OTOG: variants seen among roughly 807,000 people sequenced by gnomAD.
OTOG encodes otogelin.
OTOG carries 296 observed loss-of-function variants against 313.8 expected under a neutral mutation model. The observed-to-expected ratio is 0.94, with a 90% CI of 0.86 to 1.04. The LOEUF (loss-of-function observed/expected upper bound fraction) is 1.04. OTOG is among the 50% of genes least tolerant of loss of function. The pLI is 0.00. For missense variants in OTOG, 3,948 were observed against 3,840.1 expected (o/e 1.03, Z -0.74); for synonymous variants, 1,533 against 1,554.9 (o/e 0.99, Z 0.33).
rs1565117538 is a variant in OTOG, at chr11:17,611,305, CG to C, written c.6007del (p.Val2003TrpfsTer16). 6 of 1,550,470 alleles carry C rather than the reference CG, an allele frequency of 3.9e-6. No individual in the cohort carries two copies. Among genetic ancestry groups the C allele is most frequent in the Non-Finnish European group, 5.2e-6 (6 of 1,147,006 alleles). On this transcript the variant is annotated frameshift_variant, in exon 36 of 56. Transcript: ENST00000399397. LOFTEE classifies it high-confidence loss of function. Reference sequence around the variant, plus strand: ...GCAGGGCCTCACCTGGCAGCAGAGCCGGTGGACGAGGCCACCACAGAACCAT... The same window carrying C: ...GCAGGGCCTCACCTGGCAGCAGAGCCGTGGACGAGGCCACCACAGAACCAT... Reference protein sequence around the residue: ...TSAGPHLAAEPVDEATTEPSG... With the variant: ...TSAGPHLAAEXVDEATTEPSG...
At position 17,594,117 on chromosome 11, in the gene OTOG, T is replaced by C. The variant is rs757588809; in HGVS notation, c.3359T>C (p.Leu1120Pro). 1.5e-4 allele frequency: 237 copies of C among 1,550,434 alleles called. No individual in the cohort carries two copies. Among genetic ancestry groups the C allele is most frequent in the Non-Finnish European group, 1.9e-4 (222 of 1,146,992 alleles). The change falls in exon 28 of 56, where the codon CTA (leucine) becomes CCA (proline). Residue 1120 changes from leucine to proline, a missense_variant. Coordinates refer to ENST00000399397, the MANE Select transcript of OTOG (RefSeq NM_001292063.2). ...AATGAGATGAGGACCCCGGAGAACC[T>C]AGAGCTAACTAACCCCCAGGAGTTT... ...TINEMRTPEN[L>P]ELTNPQEFGS... is the part of the protein sequence containing the mutation.
At position 17,606,046 on chromosome 11, in the gene OTOG, C is replaced by T. The variant is rs1286270748; in HGVS notation, c.4067C>T (p.Ser1356Phe). The T allele has an allele frequency of 2.6e-6, 4 of 1,550,430 alleles. No individual in the cohort carries two copies. Among genetic ancestry groups the T allele is most frequent in the Non-Finnish European group, 3.5e-6 (4 of 1,147,000 alleles). ...CTGGAGTCCCTGGCCAAGCCCAGCT[C>T]CTTCCTCTATGTGTCGGGCGCGGTG... ...VALESLAKPS[S>F]FLYVSGAVLA... Residue 1356 changes from serine (S) to phenylalanine (F), a missense_variant, in exon 33 of 56, where the codon TCC becomes TTC. Coordinates refer to ENST00000399397, the MANE Select transcript of OTOG (RefSeq NM_001292063.2).
intron 3 of OTOG, among the ~76,000 whole-genome samples, chr11:17,551,630 C>CAAGAG (rs1388088274): frequency 6.6e-6 from 1 of 151,954 alleles, no homozygotes; most frequent in Non-Finnish European, 1.5e-5. Flanking sequence ...GTAATCCAGA[C>CAAGAG]AAGGGATTGT....
intron 47 of OTOG, among the ~76,000 whole-genome samples, chr11:17,637,513 C>A (rs760064164): frequency 6.6e-6 from 1 of 152,170 alleles, no homozygotes; most frequent in Non-Finnish European, 1.5e-5. Context: ...GTTCCCTGGG[C>A]CTCTGTGCTT....
At position 17,595,377 on chromosome 11, in the gene OTOG, G is replaced by A. The variant is rs533680277; in HGVS notation, c.3409-661G>A. Among the ~76,000 whole-genome samples, 20 of 152,296 alleles carry A rather than the reference G, an allele frequency of 1.3e-4. 1 individual carries two copies. The highest frequency in any genetic ancestry group is 6.8e-3 in the Middle Eastern group (2 of 294). ...TAAGGAAGGAGATTCAGCAGACATC[G>A]GAAACATCTGTATTAGTTATCTACT... On this transcript the variant is annotated intron_variant, in intron 28 of 55. Transcript: ENST00000399397.
intron 1 of OTOG, 30 bp downstream of exon 1, chr11:17,547,496 G>A: frequency 7.5e-7 from 1 of 1,330,892 alleles, no homozygotes; most frequent in South Asian, 2.0e-5. Context: ...AGGGAGGTCG[G>A]GGGCTCGAGG....
chr11:17,573,022 G>A, intron 18 of OTOG, 56 bp from the exon 19 acceptor site: 3 of 1,441,806 alleles, frequency 2.1e-6, no homozygotes, highest in Admixed American at 4.1e-5. Flanking sequence ...GCTGATCCTG[G>A]GACACCAGGT....
Position 17,570,279 on chromosome 11 carries a change from TG to T in OTOG, c.1845del (p.Leu616SerfsTer101). The T allele has an allele frequency of 6.4e-7, 1 of 1,550,710 alleles. No individual in the cohort carries two copies. Among genetic ancestry groups the T allele is most frequent in the Non-Finnish European group, 8.7e-7 (1 of 1,147,016 alleles). On this transcript the variant is annotated frameshift_variant, in exon 17 of 56. Transcript: ENST00000399397. LOFTEE classifies it high-confidence loss of function. ...GTGAGGACGAACGTGGGCGTGCGGG[TG>T]CTCTACGACCGTGAAGGGCTCCGAC... ...LRVRTNVGVR[V>X]LYDREGLRLY... is the part of the protein sequence containing the mutation.
rs141507984 is a variant in OTOG, at chr11:17,564,078, C to T, written c.1644+2271C>T. ...CAACCCTCTTCTTTGTGGGACAGTGCCTCTTGACAGCAGGTTCTTTTTACC... is the reference window on the plus strand; with the variant it reads ...CAACCCTCTTCTTTGTGGGACAGTGTCTCTTGACAGCAGGTTCTTTTTACC... On this transcript the variant is annotated intron_variant, in intron 15 of 55. Coordinates refer to ENST00000399397, the MANE Select transcript of OTOG (RefSeq NM_001292063.2). Among the ~76,000 whole-genome samples the T allele has an allele frequency of 2.6e-5, 4 of 152,216 alleles. No homozygotes were observed. In the East Asian group the frequency reaches 7.7e-4, roughly 29 times the overall value.
chr11:17,638,573 T>C, intron 48 of OTOG, 24 bp downstream of exon 48: 3 of 1,545,220 alleles, frequency 1.9e-6, no homozygotes, highest in Non-Finnish European at 2.6e-6. Context: ...CAGGACAGCC[T>C]CCCCGCTGGG....
chr11:17,569,677 A>G (rs1852363890), intron 16 of OTOG, among the ~76,000 whole-genome samples: 1 of 152,260 alleles, frequency 6.6e-6, no homozygotes, highest in South Asian at 2.1e-4. Context: ...CTAGCACCAG[A>G]AAGAAAGAAA....
chr11:17,641,169 G>A (rs1201955152), intron 51 of OTOG, 78 bp downstream of exon 51: 3 of 1,436,068 alleles, frequency 2.1e-6, no homozygotes, highest in African/African-American at 1.4e-5. Flanking sequence ...AGGAGCCAGA[G>A]GGGCCCTTGA....
chr11:17,612,507 CCCAGG>C (rs1853586460), intron 37 of OTOG, 108 bp from the exon 38 acceptor site: 2 of 1,419,136 alleles, frequency 1.4e-6, no homozygotes, highest in East Asian at 5.0e-5. Context: ...CCCTCCAGAC[CCCAGG>C]CCTCTGCATC....
intron 39 of OTOG, among the ~76,000 whole-genome samples, chr11:17,628,713 A>G (rs1252773064): frequency 6.6e-6 from 1 of 152,240 alleles, no homozygotes; most frequent in East Asian, 1.9e-4. Context: ...GAGCAGGGGT[A>G]TGTAGCCCCA....
In OTOG at chr11:17,602,236, T is replaced by A; in HGVS notation, c.3736T>A (p.Ser1246Thr). The A allele has an allele frequency of 1.3e-6, 2 of 1,550,528 alleles. No homozygotes were observed. Among genetic ancestry groups the A allele is most frequent in the Non-Finnish European group, 1.7e-6 (2 of 1,146,958 alleles). ...GCTAGGTAAGGGCCCCTATCAGCTA[T>A]CCAGCTTGGCAGCCGGTGGTGCTCT... is the stretch of plus-strand genomic sequence containing the variant. ...KVLGKGPYQL[S>T]SLAAGGALVG... Residue 1246 changes from serine (S) to threonine (T), a missense_variant, in exon 32 of 56, where the codon TCC (serine) becomes ACC (threonine). Coordinates refer to ENST00000399397, the MANE Select transcript of OTOG (RefSeq NM_001292063.2).
At chr11:17,638,364 CCT>C in intron 47 of OTOG, 85 bp from the exon 48 acceptor site, 1 of 1,137,878 alleles carries the variant, frequency 8.8e-7, no homozygotes, top group Non-Finnish European at 1.2e-6. Context: ...CTGGGGGTAG[CCT>C]CTCTTTAGCC....
At chr11:17,576,726 C>T (rs1441758670) in intron 21 of OTOG, 96 bp downstream of exon 21, 13 of 1,451,312 alleles carry the variant, frequency 9.0e-6, no homozygotes, top group East Asian at 2.5e-5. Flanking sequence ...TGAAGGGACA[C>T]CCAGCCCTGC....
intron 15 of OTOG, among the ~76,000 whole-genome samples, chr11:17,566,921 T>A (rs1470402283): frequency 6.6e-6 from 1 of 152,236 alleles, no homozygotes; most frequent in African/African-American, 2.4e-5. Context: ...TCCTACGTGA[T>A]TTTTAGAATT....
chr11:17,586,467 T>C lies in OTOG; in HGVS notation c.2760-7T>C. ...CTCCTGACCGCCTGCTTGCTGTGTC[T>C]CTACAGTCTGCTCAGACACGGGGAT... On this transcript the variant is annotated splice_region_variant and splice_polypyrimidine_tract_variant and intron_variant, in intron 23 of 55. Coordinates refer to ENST00000399397, the MANE Select transcript of OTOG (RefSeq NM_001292063.2). 2 of 1,387,266 alleles carry C rather than the reference T, an allele frequency of 1.4e-6. No individual in the cohort carries two copies. Among genetic ancestry groups the C allele is most frequent in the Non-Finnish European group, 1.9e-6 (2 of 1,064,340 alleles). The allele number at this position is 1,387,266 out of a possible 1,614,324, so 85.9% of individuals were successfully genotyped here.
Sources: gnomAD v4.1 joint callset for allele counts (sites outside exome capture counted in the v4.1 genomes callset) on GRCh38, gnomAD v4.1.1 for gene constraint, MANE v1.5 for transcripts, NCBI Gene and HGNC (gene_info 2026-07-23, HGNC 2026-07-21) for gene names.